LINGO1: variants seen among roughly 807,000 people sequenced by gnomAD.
LINGO1 encodes the protein leucine rich repeat and Ig domain containing 1.
Under a neutral mutation model 37.3 loss-of-function variants are expected in LINGO1, and 11 were observed. That is an observed-to-expected ratio of 0.29 (90% CI 0.19 to 0.49). The LOEUF is 0.49. LINGO1 is among the 20% of genes least tolerant of loss of function. The probability of loss-of-function intolerance (pLI) is 0.99; values close to 1 mark genes in which losing one functional copy is unlikely to be tolerated. For missense variants in LINGO1, 585 were observed against 878.2 expected (o/e 0.67, Z 4.22); for synonymous variants, 387 against 403.0 (o/e 0.96, Z 0.48).
intron 3 of LINGO1, among the ~76,000 whole-genome samples, chr15:77,645,478 G>A (rs1300262086): frequency 5.3e-5 from 8 of 152,238 alleles, no homozygotes; most frequent in Admixed American, 2.0e-4. Flanking sequence ...TTTACTTAAC[G>A]TGCTGAAGGT....
chr15:77,755,013 GC>G (rs2076406309), intron 1 of LINGO1, among the ~76,000 whole-genome samples: 1 of 152,226 alleles, frequency 6.6e-6, no homozygotes, highest in Non-Finnish European at 1.5e-5. Flanking sequence ...AAAAGGTATG[GC>G]CTCTCCCTCT....
intron 1 of LINGO1, chr15:77,784,701 C>G (rs2076754258): frequency 6.6e-6 from 1 of 152,082 alleles, no homozygotes; most frequent in South Asian, 2.1e-4. Flanking sequence ...AAGCCTCTCT[C>G]GGTGGCTCAG....
Position 77,653,849 on chromosome 15 carries a change from A to C in LINGO1, c.-13+23240T>G, listed in dbSNP as rs2074814449. Among the ~76,000 whole-genome samples, 15 of 152,154 alleles carry C rather than the reference A, an allele frequency of 9.9e-5. No individual in the cohort carries two copies. In the South Asian group the frequency reaches 3.1e-3, roughly 31 times the overall value. ...GGGAAAAGAGTAACATTTATTAGGT[A>C]CCTTCTGTGTGCCAAGCTCCCATTC... On this transcript the variant is annotated intron_variant, in intron 3 of 3. Coordinates refer to the LINGO1 transcript ENST00000559893.
chr15:77,779,765 C>T (rs369640630), intron 1 of LINGO1, among the ~76,000 whole-genome samples: 141 of 152,304 alleles, frequency 9.3e-4, no homozygotes, highest in African/African-American at 3.1e-3. Flanking sequence ...GCCAGTCCCC[C>T]GGGGGTTGTG....
upstream of LINGO1, among the ~76,000 whole-genome samples, chr15:77,635,815 G>GT (rs2074386148): frequency 6.7e-6 from 1 of 149,132 alleles, no homozygotes; most frequent in South Asian, 2.1e-4. Flanking sequence ...CTGAGACTGC[G>GT]TGTCTCATAG....
intron 3 of LINGO1, among the ~76,000 whole-genome samples, chr15:77,649,848 T>C (rs1238219610): frequency 3.3e-5 from 5 of 151,908 alleles, no homozygotes; most frequent in African/African-American, 9.7e-5. Flanking sequence ...GTGGAGATGA[T>C]GAAAGGGTGG....
At chr15:77,799,353 C>T (rs910510657) in intron 1 of LINGO1, among the ~76,000 whole-genome samples, 4 of 152,140 alleles carry the variant, frequency 2.6e-5, no homozygotes, top group Admixed American at 1.3e-4. Flanking sequence ...TTAGGTTATG[C>T]ACTTCTGAGC....
At chr15:77,673,671 T>C (rs2141210514) in intron 3 of LINGO1, among the ~76,000 whole-genome samples, 1 of 152,306 alleles carries the variant, frequency 6.6e-6, no homozygotes, top group South Asian at 2.1e-4. Flanking sequence ...CTACTCTCCT[T>C]CCATGCTCTC....
rs755952947 is a variant in LINGO1, at chr15:77,750,838, C to T, written c.-256-15785G>A. Among the ~76,000 whole-genome samples, 152 of 152,332 alleles carry T rather than the reference C, an allele frequency of 1.0e-3. 1 individual carries two copies. Among genetic ancestry groups the T allele is most frequent in the African/African-American group, 3.3e-3 (136 of 41,566 alleles). On this transcript the variant is annotated intron_variant, in intron 1 of 3. Coordinates refer to the LINGO1 transcript ENST00000561686. ...ACAAGTATTAGGTGAGCCCCTACTA[C>T]GTGTCAGGGCTTGGTAAGTGCCAGA...
intron 3 of LINGO1, among the ~76,000 whole-genome samples, chr15:77,669,479 A>C (rs1216141108): frequency 6.6e-6 from 1 of 152,190 alleles, no homozygotes; most frequent in African/African-American, 2.4e-5. Context: ...AGAGAGGTAC[A>C]CACCAGAGGA....
chr15:77,728,861 T>C (rs2076128521), intron 2 of LINGO1, among the ~76,000 whole-genome samples: 1 of 152,236 alleles, frequency 6.6e-6, no homozygotes, highest in African/African-American at 2.4e-5. Flanking sequence ...TAAATAACTA[T>C]TTGTAAATTG....
In LINGO1 at chr15:77,613,960, G is replaced by C. The variant is rs1488075370; in HGVS notation, c.*84C>G. 1.8e-6 allele frequency: 2 copies of C among 1,109,708 alleles called. No individual in the cohort carries two copies. Among genetic ancestry groups the C allele is most frequent in the Non-Finnish European group, 2.6e-6 (2 of 783,134 alleles). The allele number at this position is 1,109,708 out of a possible 1,614,324, so 68.7% of individuals were successfully genotyped here. ...GTGTGTAGAAGGGTAGGGAGGAGGT[G>C]GGAAGGACTGGAGAGTGAGCAGGTG... is the stretch of plus-strand genomic sequence containing the variant. On this transcript the variant is annotated 3_prime_UTR_variant, in exon 2 of 2. Transcript: ENST00000355300.
chr15:77,635,751 CAA>C (rs1304580238), upstream of LINGO1, among the ~76,000 whole-genome samples: 41 of 145,868 alleles, frequency 2.8e-4, no homozygotes, highest in African/African-American at 1.2e-3. Flanking sequence ...ACATTAGAGG[CAA>C]GGCCCAAATC....
intron 3 of LINGO1, among the ~76,000 whole-genome samples, chr15:77,670,955 C>G (rs1045626508): frequency 6.6e-6 from 1 of 152,234 alleles, no homozygotes; most frequent in Non-Finnish European, 1.5e-5. Context: ...TCTATCATCC[C>G]TTTGCTCACA....
At chr15:77,696,860 A>G (rs913994717), upstream of LINGO1, among the ~76,000 whole-genome samples, 16 of 152,364 alleles carry the variant, frequency 1.1e-4, no homozygotes, top group African/African-American at 3.6e-4. Context: ...GCTTAGAGTC[A>G]GGGGTTAGGG....
chr15:77,620,532 T>C (rs2073885480), intron 1 of LINGO1, among the ~76,000 whole-genome samples: 1 of 152,268 alleles, frequency 6.6e-6, no homozygotes, highest in Non-Finnish European at 1.5e-5. Context: ...CACGCAGTTC[T>C]CTGTGGCCAG....
At chr15:77,769,852 C>T (rs1189645703) in intron 1 of LINGO1, among the ~76,000 whole-genome samples, 1 of 152,174 alleles carries the variant, frequency 6.6e-6, no homozygotes, top group Non-Finnish European at 1.5e-5. Context: ...CCTGCCATGT[C>T]CTACACGTGC....
In LINGO1 at chr15:77,782,212, T is replaced by TACACAC. The variant is rs56734688; in HGVS notation, c.-257+4651_-257+4656dup. Among the ~76,000 whole-genome samples the TACACAC allele has an allele frequency of 4.5e-4, 67 of 150,152 alleles. 1 individual carries two copies. The highest frequency in any genetic ancestry group is 1.0e-3 in the East Asian group (5 of 5,006). On this transcript the variant is annotated intron_variant, in intron 1 of 3. Coordinates refer to the LINGO1 transcript ENST00000561686. ...CACGATGCTCAAGTGTGCGCACGCG[T>TACACAC]ACACACACACACACACACACACACA...
At chr15:77,675,721 C>T (rs1203931025) in intron 3 of LINGO1, among the ~76,000 whole-genome samples, 1 of 152,012 alleles carries the variant, frequency 6.6e-6, no homozygotes, top group African/African-American at 2.4e-5. Context: ...TAGATACATA[C>T]ATAGATAATA....
Sources: gnomAD v4.1 joint callset for allele counts (sites outside exome capture counted in the v4.1 genomes callset) on GRCh38, gnomAD v4.1.1 for gene constraint, MANE v1.5 for transcripts, NCBI Gene and HGNC (gene_info 2026-07-23, HGNC 2026-07-21) for gene names.